CYRIA: variants seen among roughly 807,000 people sequenced by gnomAD.
CYRIA encodes CYFIP related Rac1 interactor A.
CYRIA carries 15 observed loss-of-function variants against 43.9 expected under a neutral mutation model. The observed-to-expected ratio is 0.34, with a 90% CI of 0.23 to 0.53. The LOEUF is 0.53. Ranked by LOEUF, CYRIA falls within the 20% of genes least tolerant of loss-of-function variation. The pLI is 0.94. For synonymous variants in CYRIA, 117 were observed against 136.0 expected (o/e 0.86, Z 0.97); for missense variants, 236 against 394.2 (o/e 0.60, Z 3.40).
chr2:16,555,459 A>C (rs1291307724), intron 10 of CYRIA, among the ~76,000 whole-genome samples: 3 of 151,862 alleles, frequency 2.0e-5, no homozygotes, highest in African/African-American at 7.3e-5. Context: ...CCTTCCATCC[A>C]CTCAGTGCTC....
In CYRIA at chr2:16,552,820, G is replaced by T. The variant is rs1558397250; in HGVS notation, c.*116C>A. 1 of 699,920 alleles carries T rather than the reference G, an allele frequency of 1.4e-6. No homozygotes were observed. The highest frequency in any genetic ancestry group is 1.8e-5 in the African/African-American group (1 of 56,110). The allele number at this position is 699,920 out of a possible 1,614,324, so 43.4% of individuals were successfully genotyped here. On this transcript the variant is annotated 3_prime_UTR_variant, in exon 12 of 12. Transcript: ENST00000381323. ...CAAATTAAGGTCCATATATTTCAGT[G>T]ACAAGAAGGAAACGGTTATGTAAAT...
At chr2:16,614,602 A>G (rs1668717439) in intron 2 of CYRIA, among the ~76,000 whole-genome samples, 1 of 152,106 alleles carries the variant, frequency 6.6e-6, no homozygotes, top group South Asian at 2.1e-4. Flanking sequence ...TCTTCATTCC[A>G]CTTGAAGACA....
intron 2 of CYRIA, among the ~76,000 whole-genome samples, chr2:16,620,767 A>C (rs1056500006): frequency 1.3e-5 from 2 of 151,924 alleles, no homozygotes; most frequent in African/African-American, 4.8e-5. Flanking sequence ...TCCACATTCC[A>C]CAGTCTCAGG....
chr2:16,573,572 C>T (rs1667216928), intron 3 of CYRIA, among the ~76,000 whole-genome samples: 1 of 152,208 alleles, frequency 6.6e-6, no homozygotes, highest in Non-Finnish European at 1.5e-5. Flanking sequence ...ACCCAAATCT[C>T]ATTTTGATTT....
intron 1 of CYRIA, among the ~76,000 whole-genome samples, chr2:16,636,028 C>T (rs1669486742): frequency 6.6e-6 from 1 of 152,104 alleles, no homozygotes; most frequent in African/African-American, 2.4e-5. Context: ...AGGCTGGCAC[C>T]ACTCAGACAT....
chr2:16,620,620 T>A (rs985023383), intron 2 of CYRIA, among the ~76,000 whole-genome samples: 6 of 152,206 alleles, frequency 3.9e-5, no homozygotes, highest in Non-Finnish European at 8.8e-5. Flanking sequence ...AACTCATCCA[T>A]TTTTGCTTAA....
intron 2 of CYRIA, among the ~76,000 whole-genome samples, chr2:16,589,711 T>C (rs1197161493): frequency 1.3e-5 from 2 of 152,114 alleles, no homozygotes; most frequent in Non-Finnish European, 2.9e-5. Context: ...CTTTTACTAT[T>C]GATGATGATA....
At chr2:16,560,659 ATAT>A in intron 9 of CYRIA, 1 of 338,054 alleles carries the variant, frequency 3.0e-6, no homozygotes, top group South Asian at 3.5e-5. Flanking sequence ...TCTCTACAAT[ATAT>A]TTATCATGAT....
chr2:16,661,946 C>G (rs1670266102), intron 1 of CYRIA, among the ~76,000 whole-genome samples: 1 of 151,872 alleles, frequency 6.6e-6, no homozygotes, highest in African/African-American at 2.4e-5. Flanking sequence ...TTTATAGTAA[C>G]TTAAAAAAAA....
rs1669938056 is a variant in CYRIA at position 16,650,295 on chromosome 2, A to G, written c.-167+15485T>C. Among the ~76,000 whole-genome samples, 1 of 152,216 alleles carries G rather than the reference A, an allele frequency of 6.6e-6. No homozygotes were observed. The highest frequency in any genetic ancestry group is 2.4e-5 in the African/African-American group (1 of 41,460). ...TTTATGGATGACATCCCTAAGACGTAAGAGTGGTTAAGCAATGGCCCAGAA... is the reference window on the plus strand; with the variant it reads ...TTTATGGATGACATCCCTAAGACGTGAGAGTGGTTAAGCAATGGCCCAGAA... On this transcript the variant is annotated intron_variant, in intron 1 of 11. Transcript: ENST00000381323. The surrounding 1 kb of genome is among the most constrained non-coding windows in gnomAD (Gnocchi z 4.1).
chr2:16,578,417 C>G (rs2103441550), intron 3 of CYRIA, among the ~76,000 whole-genome samples: 1 of 152,186 alleles, frequency 6.6e-6, no homozygotes, highest in Middle Eastern at 3.4e-3. Context: ...ATAATAGAGT[C>G]TAGAGATAGT....
chr2:16,564,115 T>G lies in CYRIA; in HGVS notation c.193-21A>C, dbSNP rs1477686967. On this transcript the variant is annotated intron_variant, in intron 4 of 11. Transcript: ENST00000381323. ...ATTGCCTGCAAAAACACAGTAGAGC[T>G]GACTGTTTAAAAAGAAGTGGTAAGC... 3.8e-6 allele frequency: 6 copies of G among 1,584,116 alleles called. No individual in the cohort carries two copies. In the South Asian group the frequency reaches 5.6e-5, roughly 15 times the overall value.
intron 2 of CYRIA, among the ~76,000 whole-genome samples, chr2:16,610,693 A>C (rs962713537): frequency 3.3e-5 from 5 of 151,948 alleles, no homozygotes; most frequent in African/African-American, 4.8e-5. Flanking sequence ...AACACATGAT[A>C]AACTTCTGTA....
At chr2:16,601,257 A>C (rs1013617171) in intron 2 of CYRIA, among the ~76,000 whole-genome samples, 1 of 152,154 alleles carries the variant, frequency 6.6e-6, no homozygotes, top group Non-Finnish European at 1.5e-5. Context: ...GCTGCCACCC[A>C]ACGTGAAGAA....
At chr2:16,620,234 T>C (rs767004405) in intron 2 of CYRIA, among the ~76,000 whole-genome samples, 1 of 152,244 alleles carries the variant, frequency 6.6e-6, no homozygotes, top group Non-Finnish European at 1.5e-5. Context: ...TGGATATTAC[T>C]CATTCATTTT....
intron 2 of CYRIA, among the ~76,000 whole-genome samples, chr2:16,611,597 A>T (rs1668604660): frequency 6.6e-6 from 1 of 152,138 alleles, no homozygotes; most frequent in South Asian, 2.1e-4. Context: ...CCTCATCTGG[A>T]CTAGAATAGT....
chr2:16,657,956 G>A (rs570080489), intron 1 of CYRIA, among the ~76,000 whole-genome samples: 26 of 152,188 alleles, frequency 1.7e-4, no homozygotes, highest in East Asian at 7.7e-4. Flanking sequence ...AAAAATAAGC[G>A]AATGTGTATG....
At chr2:16,630,012 C>A (rs1453465248) in intron 1 of CYRIA, among the ~76,000 whole-genome samples, 1 of 152,128 alleles carries the variant, frequency 6.6e-6, no homozygotes, top group Non-Finnish European at 1.5e-5. Flanking sequence ...CTCAGGCAGT[C>A]CTAGACAGTC....
At chr2:16,665,472 G>T (rs937273103) in intron 1 of CYRIA, among the ~76,000 whole-genome samples, 2 of 151,906 alleles carry the variant, frequency 1.3e-5, no homozygotes, top group Admixed American at 6.5e-5. Context: ...GGGGTGGGGG[G>T]TAAGTGAGTG....
Sources: gnomAD v4.1 joint callset for allele counts (sites outside exome capture counted in the v4.1 genomes callset) on GRCh38, gnomAD v4.1.1 for gene constraint, Gnocchi (gnomAD v3.1) non-coding constraint, MANE v1.5 for transcripts, NCBI Gene and HGNC (gene_info 2026-07-23, HGNC 2026-07-21) for gene names.